Variants in NMB observed in about 807,000 individuals in gnomAD.
NMB encodes the protein neuromedin B.
A neutral mutation model predicts 11.7 loss-of-function variants in NMB; 12 were observed. The observed-to-expected ratio is 1.03, with a 90% CI of 0.66 to 1.66. The LOEUF (loss-of-function observed/expected upper bound fraction) is 1.66. Ranked by LOEUF, NMB falls within the 40% of genes most tolerant of loss-of-function variation. The pLI is 0.00. For synonymous variants in NMB, 76 were observed against 72.6 expected (o/e 1.05, Z -0.24); for missense variants, 174 against 157.9 (o/e 1.10, Z -0.55).
intron 2 of NMB, among the ~76,000 whole-genome samples, chr15:84,656,718 T>C (rs1896787166): frequency 6.6e-6 from 1 of 151,944 alleles, no homozygotes. Flanking sequence ...GACTCTGTCT[T>C]GGCTGCTGAC....
intron 1 of NMB, 103 bp downstream of exon 1, chr15:84,657,893 C>G (rs1189492766): frequency 2.2e-5 from 29 of 1,346,632 alleles, no homozygotes; most frequent in Middle Eastern, 1.9e-4. Context: ...TCCACCTGCT[C>G]CGACACTAGT....
At chr15:84,657,108 C>G in intron 2 of NMB, 68 bp downstream of exon 2, 1 of 1,457,430 alleles carries the variant, frequency 6.9e-7, no homozygotes, top group East Asian at 2.4e-5. Context: ...GTGGTAATTC[C>G]TCCCATGCAG....
chr15:84,656,864 C>T (rs1896788841), intron 2 of NMB, among the ~76,000 whole-genome samples: 1 of 151,984 alleles, frequency 6.6e-6, no homozygotes, highest in Admixed American at 6.6e-5. Flanking sequence ...GGAGAAAGGT[C>T]CTGCTCCAAA....
chr15:84,655,631 G>T (rs746862741), intron 2 of NMB, among the ~76,000 whole-genome samples: 8 of 152,174 alleles, frequency 5.3e-5, no homozygotes, highest in Non-Finnish European at 1.0e-4. Context: ...AGTCAAAGAA[G>T]ATCGTGGAAG....
chr15:84,655,306 C>A lies in NMB; in HGVS notation c.*68G>T. 6.2e-7 allele frequency: 1 copy of A among 1,613,478 alleles called. No individual in the cohort carries two copies. Among genetic ancestry groups the A allele is most frequent in the South Asian group, 1.1e-5 (1 of 91,032 alleles). On this transcript the variant is annotated 3_prime_UTR_variant, in exon 3 of 3. Coordinates refer to ENST00000360476, the MANE Select transcript of NMB (RefSeq NM_021077.4). ...ATCCAGATGGGGCCATCAACAGGGT[C>A]CCATTCAGCACCTTCCCTGGGTGGG...
chr15:84,655,476 C>T, intron 2 of NMB, 67 bp from the exon 3 acceptor site: 1 of 1,600,116 alleles, frequency 6.2e-7, no homozygotes, highest in African/African-American at 1.3e-5. Context: ...GGCATCCTGC[C>T]ATTCCTAAGT....
intron 2 of NMB, among the ~76,000 whole-genome samples, chr15:84,656,354 C>T (rs1462012444): frequency 6.6e-6 from 1 of 151,944 alleles, no homozygotes; most frequent in South Asian, 2.1e-4. Flanking sequence ...GGAGTTGCCA[C>T]TCAGCGGGGC....
At position 84,655,347 on chromosome 15, in the gene NMB, G is replaced by T. The variant is rs1021819248; in HGVS notation, c.*27C>A. On this transcript the variant is annotated 3_prime_UTR_variant, in exon 3 of 3. Coordinates refer to ENST00000360476, the MANE Select transcript of NMB (RefSeq NM_021077.4). ...CCTGGGTGGGCACAATCTAAGCCACGCTGTTGTGTCTGCCCCATTATTGGT... is the reference window on the plus strand; with the variant it reads ...CCTGGGTGGGCACAATCTAAGCCACTCTGTTGTGTCTGCCCCATTATTGGT... 6.2e-7 allele frequency: 1 copy of T among 1,614,172 alleles called. No homozygotes were observed. The highest frequency in any genetic ancestry group is 1.3e-5 in the African/African-American group (1 of 75,040).
intron 1 of NMB, 64 bp downstream of exon 1, chr15:84,657,932 T>G: frequency 1.5e-5 from 22 of 1,515,830 alleles, no homozygotes; most frequent in Admixed American, 2.1e-5. Flanking sequence ...GCCAGAGGGT[T>G]GAGAAGGAAA....
chr15:84,655,931 C>CTTT (rs950220953), intron 2 of NMB, among the ~76,000 whole-genome samples: 5 of 152,106 alleles, frequency 3.3e-5, no homozygotes, highest in African/African-American at 1.2e-4. Flanking sequence ...TGGGTTGGAC[C>CTTT]TTTTCTAGGG....
Position 84,657,289 on chromosome 15 carries a change from G to A in NMB, c.217C>T (p.Pro73Ser). 1.3e-6 allele frequency: 2 copies of A among 1,598,206 alleles called. No individual in the cohort carries two copies. The highest frequency in any genetic ancestry group is 1.7e-6 in the Non-Finnish European group (2 of 1,172,102). Reference sequence around the variant, plus strand: ...CGCTGGTCCCTCAGGGAGGTGTGGGGAGCTGTCCCCAATGGGGATGGGCTG... The same window carrying A: ...CGCTGGTCCCTCAGGGAGGTGTGGGAAGCTGTCCCCAATGGGGATGGGCTG... ...PSSPSPLGTA[P>S]HTSLRDQRLQ... Residue 73 changes from proline (P) to serine (S), a missense_variant, in exon 2 of 3, where the codon CCC becomes TCC. Physicochemically the swap from Pro to Ser is moderately conservative, Grantham distance 74. Around this residue, in one of 2 missense-constraint regions of NMB, gnomAD observed 168 missense variants for 138.4 expected, o/e 1.21. Transcript: ENST00000360476.
chr15:84,655,451 C>T (rs1268612700), intron 2 of NMB, 42 bp from the exon 3 acceptor site: 1 of 1,611,416 alleles, frequency 6.2e-7, no homozygotes, highest in African/African-American at 1.3e-5. Flanking sequence ...GGGAGGGGCT[C>T]CTGATAAAGA....
intron 1 of NMB, 122 bp downstream of exon 1, chr15:84,657,874 C>G: frequency 1.7e-6 from 2 of 1,177,506 alleles, no homozygotes; most frequent in Non-Finnish European, 2.3e-6. Context: ...TAGATGAGCC[C>G]CAGGGTTTTC....
At chr15:84,655,619 ACAGT>A (rs1432124698) in intron 2 of NMB, among the ~76,000 whole-genome samples, 1 of 152,296 alleles carries the variant, frequency 6.6e-6, no homozygotes, top group East Asian at 1.9e-4. Flanking sequence ...GGTGGTCATG[ACAGT>A]CAAAGAAGAT....
intron 2 of NMB, 115 bp downstream of exon 2, chr15:84,657,061 G>T: frequency 1.0e-6 from 1 of 957,642 alleles, no homozygotes; most frequent in Non-Finnish European, 1.5e-6. Flanking sequence ...CACCCATAAT[G>T]TCCTAGTCAG....
chr15:84,655,546 C>A lies in NMB; in HGVS notation c.331-137G>T, dbSNP rs1232241365. ...GTCAGCTGAGGCAGGCCCCAGAGCACCCTGAATTGCCTTGGAGGGGTCGGG... is the reference window on the plus strand; with the variant it reads ...GTCAGCTGAGGCAGGCCCCAGAGCAACCTGAATTGCCTTGGAGGGGTCGGG... On this transcript the variant is annotated intron_variant, in intron 2 of 2. Transcript: ENST00000360476. The A allele has an allele frequency of 1.3e-5, 14 of 1,095,656 alleles. No homozygotes were observed. In the East Asian group the frequency reaches 2.4e-4, roughly 18 times the overall value. 67.9% of individuals were successfully genotyped at this position (1,095,656 alleles called of 1,614,324 possible).
At chr15:84,657,129 T>C (rs1204304650) in intron 2 of NMB, 47 bp downstream of exon 2, 1 of 1,562,716 alleles carries the variant, frequency 6.4e-7, no homozygotes, top group Non-Finnish European at 8.7e-7. Flanking sequence ...GATCCGGGGA[T>C]GGCCCCAGCT....
chr15:84,657,933 G>A, intron 1 of NMB, 63 bp downstream of exon 1: 1 of 1,520,848 alleles, frequency 6.6e-7, no homozygotes, highest in Non-Finnish European at 8.8e-7. Flanking sequence ...CCAGAGGGTT[G>A]AGAAGGAAAT....
intron 2 of NMB, 32 bp downstream of exon 2, chr15:84,657,144 C>T: frequency 6.3e-7 from 1 of 1,595,228 alleles, no homozygotes; most frequent in Non-Finnish European, 8.5e-7. Context: ...CCAGCTGGGC[C>T]CTCCTGACAT....
Sources: allele counts gnomAD v4.1 joint callset (sites outside exome capture counted in the v4.1 genomes callset), GRCh38; gene constraint gnomAD v4.1.1; regional missense constraint gnomAD v4.1.1; transcripts MANE v1.5; gene names NCBI Gene and HGNC (gene_info 2026-07-23, HGNC 2026-07-21).